Variants in RHBDD1 observed in about 807,000 individuals in gnomAD.
The protein encoded by RHBDD1 is rhomboid-related protein 4.
A neutral mutation model predicts 36.3 loss-of-function variants in RHBDD1; 38 were observed. The observed-to-expected ratio is 1.05, with a 90% CI of 0.81 to 1.37. The LOEUF is 1.37. Ranked by LOEUF, RHBDD1 falls within the 40% of genes most tolerant of loss-of-function variation. RHBDD1 has a pLI of 0.00. For missense variants in RHBDD1, 393 were observed against 377.6 expected, an observed-to-expected ratio of 1.04 and a Z score of -0.34; for synonymous variants, 151 against 136.5, an observed-to-expected ratio of 1.11 and a Z score of -0.74.
rs1207283527 is a variant in RHBDD1, at chr2:226,855,727, C to CT, written c.-90-8876dup. On this transcript the variant is annotated intron_variant, in intron 3 of 8. Coordinates refer to ENST00000392062, the MANE Select transcript of RHBDD1 (RefSeq NM_001167608.3). ...TTCCCAATTTCTTCTGGAATACAGT[C>CT]TAAGTTGTAGATATTTCTGTGAATA... Among the ~76,000 whole-genome samples, 3 of 152,102 alleles carry CT rather than the reference C, an allele frequency of 2.0e-5. No individual in the cohort carries two copies. In the East Asian group the frequency reaches 5.8e-4, roughly 29 times the overall value.
At chr2:226,905,065 A>G (rs562466734) in intron 5 of RHBDD1, among the ~76,000 whole-genome samples, 1 of 151,906 alleles carries the variant, frequency 6.6e-6, no homozygotes, top group African/African-American at 2.4e-5. Flanking sequence ...ATGTTCTTGG[A>G]GTCTCCATCA....
At chr2:226,964,804 C>T (rs2149279931) in intron 8 of RHBDD1, among the ~76,000 whole-genome samples, 1 of 152,304 alleles carries the variant, frequency 6.6e-6, no homozygotes, top group Admixed American at 6.5e-5. Context: ...GTGAAAGCCA[C>T]TGTTCTTTAC....
intron 8 of RHBDD1, among the ~76,000 whole-genome samples, chr2:226,945,786 T>C (rs973426896): frequency 1.3e-5 from 2 of 152,186 alleles, no homozygotes; most frequent in African/African-American, 4.8e-5. Context: ...AGTGTAAAAG[T>C]GTTCCTGTTT....
chr2:226,965,933 A>G (rs1020412865), intron 8 of RHBDD1, among the ~76,000 whole-genome samples: 1 of 152,110 alleles, frequency 6.6e-6, no homozygotes, highest in Non-Finnish European at 1.5e-5. Flanking sequence ...GAAAAAAAAA[A>G]CATGGGCCGA....
chr2:226,864,189 C>T (rs1944112912), intron 3 of RHBDD1, among the ~76,000 whole-genome samples: 2 of 152,070 alleles, frequency 1.3e-5, no homozygotes, highest in African/African-American at 2.4e-5. Context: ...CAAACTCATT[C>T]TAACATATCA....
intron 8 of RHBDD1, among the ~76,000 whole-genome samples, chr2:226,951,778 A>G (rs1261625967): frequency 1.3e-5 from 2 of 152,242 alleles, no homozygotes; most frequent in Non-Finnish European, 2.9e-5. Flanking sequence ...AGAACTAAAT[A>G]TATTCATAGT....
chr2:226,905,229 T>A (rs1307356856), intron 5 of RHBDD1, among the ~76,000 whole-genome samples: 1 of 151,084 alleles, frequency 6.6e-6, no homozygotes, highest in Admixed American at 6.6e-5. Context: ...CCTCAGGGAG[T>A]TTGTGTGTGA....
intron 8 of RHBDD1, among the ~76,000 whole-genome samples, chr2:226,938,247 G>A (rs979788996): frequency 5.9e-5 from 9 of 152,042 alleles, no homozygotes; most frequent in South Asian, 2.1e-4. Context: ...CTTTCGAAAA[G>A]TGTCTTTTCA....
At chr2:226,885,777 G>A (rs1946152251) in intron 5 of RHBDD1, among the ~76,000 whole-genome samples, 1 of 152,154 alleles carries the variant, frequency 6.6e-6, no homozygotes, top group African/African-American at 2.4e-5. Flanking sequence ...AATATATACA[G>A]TAGTTCCCCT....
At chr2:226,959,383 G>C (rs892779032) in intron 8 of RHBDD1, among the ~76,000 whole-genome samples, 1 of 152,152 alleles carries the variant, frequency 6.6e-6, no homozygotes, top group African/African-American at 2.4e-5. Flanking sequence ...ACACCCAACA[G>C]ATTCATCTGC....
rs576044447 is a variant in RHBDD1, at chr2:226,932,598, G to A, written c.856+18247G>A. Among the ~76,000 whole-genome samples the A allele has an allele frequency of 1.7e-4, 26 of 152,040 alleles. No homozygotes were observed. In the South Asian group the frequency reaches 5.2e-3, roughly 30 times the overall value. On this transcript the variant is annotated intron_variant, in intron 8 of 8. Coordinates refer to ENST00000392062, the MANE Select transcript of RHBDD1 (RefSeq NM_001167608.3). ...GGTCCTCGTTTTGTGCTGTGACTCG[G>A]ATAGGTTCTCCTTCCACTCCCTTGT...
chr2:226,805,945 C>T, the RHBDD1 span, among the ~76,000 whole-genome samples: 1 of 152,026 alleles, frequency 6.6e-6, no homozygotes. Flanking sequence ...ATGGATATTC[C>T]GTGCTCTCTA....
chr2:226,806,298 A>C, the RHBDD1 span, among the ~76,000 whole-genome samples: 1 of 152,186 alleles, frequency 6.6e-6, no homozygotes, highest in Non-Finnish European at 1.5e-5. Flanking sequence ...CCCATATCAG[A>C]ATCACCTGTG....
intron 4 of RHBDD1, among the ~76,000 whole-genome samples, chr2:226,865,444 C>T (rs1470344531): frequency 2.0e-5 from 3 of 152,164 alleles, no homozygotes; most frequent in African/African-American, 7.2e-5. Flanking sequence ...AGGGAGTTCT[C>T]AAAAAAGATG....
intron 7 of RHBDD1, among the ~76,000 whole-genome samples, chr2:226,912,148 A>G (rs1481980965): frequency 1.3e-5 from 2 of 152,162 alleles, no homozygotes; most frequent in Non-Finnish European, 2.9e-5. Context: ...TCAAAACCAC[A>G]GTGAGATACC....
intron 8 of RHBDD1, among the ~76,000 whole-genome samples, chr2:226,978,784 C>A (rs998381818): frequency 6.6e-6 from 1 of 152,112 alleles, no homozygotes; most frequent in South Asian, 2.1e-4. Flanking sequence ...TGGGGGTGAT[C>A]AGAGGACACA....
chr2:226,834,267 G>C (rs1344350204), upstream of RHBDD1, among the ~76,000 whole-genome samples: 1 of 152,200 alleles, frequency 6.6e-6, no homozygotes, highest in Non-Finnish European at 1.5e-5. Context: ...GGTTCAGAAG[G>C]ATAAATGAGG....
the RHBDD1 span, among the ~76,000 whole-genome samples, chr2:226,820,644 CAAAAAAAAAAAAAAA>C: frequency 1.3e-4 from 8 of 63,516 alleles, no homozygotes; most frequent in Non-Finnish European, 1.9e-4. Flanking sequence ...TCCATCTCCA[CAAAAAAAAAAAAAAA>C]AAAAAAAAAA....
chr2:226,867,992 C>T (rs1018803714), intron 5 of RHBDD1, among the ~76,000 whole-genome samples: 10 of 152,226 alleles, frequency 6.6e-5, no homozygotes, highest in African/African-American at 2.4e-4. Context: ...GCTGGGATTA[C>T]AGGCATGAGC....
Sources: allele counts gnomAD v4.1 joint callset (sites outside exome capture counted in the v4.1 genomes callset), GRCh38; gene constraint gnomAD v4.1.1; transcripts MANE v1.5; gene names NCBI Gene and HGNC (gene_info 2026-07-23, HGNC 2026-07-21).